The following INPP4A variants were observed in gnomAD, a reference collection of about 807,000 sequenced individuals.
The protein encoded by INPP4A is inositol polyphosphate-4-phosphatase type I A.
A neutral mutation model predicts 119.8 loss-of-function variants in INPP4A; 33 were observed. The observed-to-expected ratio is 0.28, with a 90% confidence interval of 0.21 to 0.37. INPP4A has a LOEUF of 0.37. Ranked by LOEUF, INPP4A falls within the 10% of genes least tolerant of loss-of-function variation. The probability of loss-of-function intolerance (pLI) is 1.00; values close to 1 mark genes in which losing one functional copy is unlikely to be tolerated. For synonymous variants in INPP4A, 496 were observed against 500.7 expected (o/e 0.99, Z 0.12); for missense variants, 956 against 1,289.9 (o/e 0.74, Z 3.97).
chr2:98,476,143 A>G (rs753527385), intron 1 of INPP4A, among the ~76,000 whole-genome samples: 1 of 152,244 alleles, frequency 6.6e-6, no homozygotes, highest in Non-Finnish European at 1.5e-5. Context: ...TAGAATGGGT[A>G]CATAGGATAA....
At chr2:98,503,098 T>C (rs1683428760) in intron 1 of INPP4A, among the ~76,000 whole-genome samples, 1 of 152,190 alleles carries the variant, frequency 6.6e-6, no homozygotes, top group African/African-American at 2.4e-5. Flanking sequence ...GGTGCCATCT[T>C]GACCCAGCTT....
rs1407076550 is a variant in INPP4A at position 98,554,894 on chromosome 2, G to C, written c.1566+405G>C. Among the ~76,000 whole-genome samples the C allele has an allele frequency of 6.6e-6, 1 of 152,174 alleles. No homozygotes were observed. Among genetic ancestry groups the C allele is most frequent in the Non-Finnish European group, 1.5e-5 (1 of 68,024 alleles). On this transcript the variant is annotated intron_variant, in intron 15 of 24. Coordinates refer to ENST00000409851, the MANE Select transcript of INPP4A (RefSeq NM_001134225.2). This position sits in a 1 kb window ranked among gnomAD's most constrained non-coding sequence, Gnocchi z 4.7. ...TGGGGACGTGGGAGCTCTGGTGCTG[G>C]GGCAAGTAGATATGGATTTTGGAGC...
chr2:98,567,389 G>A (rs956986677), intron 21 of INPP4A, among the ~76,000 whole-genome samples: 1 of 152,198 alleles, frequency 6.6e-6, no homozygotes, highest in South Asian at 2.1e-4. Context: ...AGAGGCAGGT[G>A]GTGAGCTGGG....
At chr2:98,485,119 A>G (rs1291390678) in intron 1 of INPP4A, among the ~76,000 whole-genome samples, 1 of 152,172 alleles carries the variant, frequency 6.6e-6, no homozygotes, top group Non-Finnish European at 1.5e-5. Flanking sequence ...TTGGGATCTA[A>G]ATGAGTGTGA....
chr2:98,503,728 C>T (rs1281665722), intron 1 of INPP4A, among the ~76,000 whole-genome samples: 2 of 152,224 alleles, frequency 1.3e-5, no homozygotes. Flanking sequence ...TGGACACTCT[C>T]ATCAGAAGGC....
chr2:98,487,431 T>C (rs1478324401), intron 1 of INPP4A, among the ~76,000 whole-genome samples: 1 of 152,214 alleles, frequency 6.6e-6, no homozygotes, highest in African/African-American at 2.4e-5. Flanking sequence ...AAGGTCTTGC[T>C]ATGTTGCCTA....
At chr2:98,474,458 G>C (rs779227142) in intron 1 of INPP4A, among the ~76,000 whole-genome samples, 13 of 152,228 alleles carry the variant, frequency 8.5e-5, no homozygotes, top group Non-Finnish European at 1.6e-4. Context: ...GTGCTACGAA[G>C]AGCCCTGGGT....
intron 1 of INPP4A, among the ~76,000 whole-genome samples, chr2:98,463,054 C>T (rs1673925457): frequency 2.0e-5 from 3 of 152,116 alleles, no homozygotes. Flanking sequence ...GTCGGCCAGG[C>T]TGGTCTTGAA....
chr2:98,523,212 A>T (rs1304336526), intron 4 of INPP4A, among the ~76,000 whole-genome samples: 2 of 152,198 alleles, frequency 1.3e-5, no homozygotes, highest in Non-Finnish European at 1.5e-5. Context: ...CAGTTGGTAT[A>T]ATTGAGTTAA....
intron 1 of INPP4A, among the ~76,000 whole-genome samples, chr2:98,445,336 C>T (rs1694011678): frequency 6.6e-6 from 1 of 152,096 alleles, no homozygotes; most frequent in African/African-American, 2.4e-5. Flanking sequence ...GAGCCGGGTG[C>T]CGAGCGGGCG....
At chr2:98,577,597 C>T (rs1472220666) in intron 24 of INPP4A, among the ~76,000 whole-genome samples, 2 of 152,230 alleles carry the variant, frequency 1.3e-5, no homozygotes, top group East Asian at 3.8e-4. Flanking sequence ...CAGGTTGCAT[C>T]GGTCTGCTCT....
At chr2:98,541,766 G>T (rs113152450) in intron 10 of INPP4A, among the ~76,000 whole-genome samples, 1 of 152,148 alleles carries the variant, frequency 6.6e-6, no homozygotes, top group African/African-American at 2.4e-5. Context: ...TTCATTTGTT[G>T]TAGAGACAGG....
At chr2:98,538,628 C>T (rs1690776837) in intron 8 of INPP4A, among the ~76,000 whole-genome samples, 1 of 152,212 alleles carries the variant, frequency 6.6e-6, no homozygotes, top group Non-Finnish European at 1.5e-5. Flanking sequence ...TCTTCCTTTT[C>T]GTTTTTACAT....
chr2:98,533,479 A>G lies in INPP4A; in HGVS notation c.254A>G (p.Gln85Arg), dbSNP rs1253049558. 1 of 1,609,684 alleles carries G rather than the reference A, an allele frequency of 6.2e-7. No individual in the cohort carries two copies. Among genetic ancestry groups the G allele is most frequent in the Non-Finnish European group, 8.5e-7 (1 of 1,176,244 alleles). Residue 85 changes from glutamine to arginine, a missense_variant, in exon 5 of 25, where the codon CAG (glutamine) becomes CGG (arginine). Around this residue, in one of 2 missense-constraint regions of INPP4A, gnomAD observed 652 missense variants for 797.9 expected, o/e 0.82. Transcript: ENST00000409851. ...CAGGCATTCTGGACGAAGCATGCACAGACGGAGATCATTGAGGTGGGTGCT... is the reference window on the plus strand; with the variant it reads ...CAGGCATTCTGGACGAAGCATGCACGGACGGAGATCATTGAGGTGGGTGCT... ...PPQAFWTKHA[Q>R]TEIIEGTNNP...
rs775704490 is a variant in INPP4A at position 98,577,005 on chromosome 2, A to G, written c.2648A>G (p.Asn883Ser). 2 of 1,613,052 alleles carry G rather than the reference A, an allele frequency of 1.2e-6. No individual in the cohort carries two copies. The highest frequency in any genetic ancestry group is 1.7e-6 in the Non-Finnish European group (2 of 1,179,174). The stretch of plus-strand genomic sequence containing the variant: ...TGTTGGCAGATCTGCCGCCGCCTTA[A>G]TGGGGTCCGGTTCACCAGCTGCAAG... ...WQAAEICRRL[N>S]GVRFTSCKSA... The change falls in exon 24 of 25, where the codon AAT becomes AGT. Residue 883 changes from asparagine (N) to serine (S), a missense_variant. Transcript: ENST00000409851.
chr2:98,466,180 G>A (rs2104744052), intron 1 of INPP4A, among the ~76,000 whole-genome samples: 1 of 152,238 alleles, frequency 6.6e-6, no homozygotes, highest in East Asian at 1.9e-4. Flanking sequence ...TGAGTAGCTG[G>A]GACTACAGGC....
chr2:98,445,077 G>A lies in INPP4A; in HGVS notation c.-174G>A, dbSNP rs950696429. Reference sequence around the variant, plus strand: ...GGGGCGGCTGGCGCCGGGGGCCGGGGAGCGCCAGGTAGGTGGGCCGGGCCG... The same window carrying A: ...GGGGCGGCTGGCGCCGGGGGCCGGGAAGCGCCAGGTAGGTGGGCCGGGCCG... On this transcript the variant is annotated 5_prime_UTR_variant, in exon 1 of 25. Coordinates refer to ENST00000409851, the MANE Select transcript of INPP4A (RefSeq NM_001134225.2). The A allele has an allele frequency of 4.0e-5, 6 of 149,264 alleles. No homozygotes were observed. The highest frequency in any genetic ancestry group is 9.7e-5 in the African/African-American group (4 of 41,070). 9.2% of individuals were successfully genotyped at this position (149,264 alleles called of 1,614,324 possible). A position where few individuals can be genotyped will look rare whatever the true frequency, so the allele number is the denominator to read the frequency against.
chr2:98,561,402 T>C (rs1695448556), intron 17 of INPP4A, among the ~76,000 whole-genome samples: 1 of 152,230 alleles, frequency 6.6e-6, no homozygotes. Flanking sequence ...GTGGAAATCA[T>C]GTTACTGCCC....
chr2:98,545,060 A>G (rs372983995), intron 11 of INPP4A, among the ~76,000 whole-genome samples: 3 of 152,288 alleles, frequency 2.0e-5, no homozygotes, highest in East Asian at 3.9e-4. Flanking sequence ...TTGAAGTGGC[A>G]GTCTGGGATT....
Sources: allele counts gnomAD v4.1 joint callset (sites outside exome capture counted in the v4.1 genomes callset), GRCh38; gene constraint gnomAD v4.1.1; regional missense constraint gnomAD v4.1.1; non-coding constraint Gnocchi (gnomAD v3.1); transcripts MANE v1.5; gene names NCBI Gene and HGNC (gene_info 2026-07-23, HGNC 2026-07-21).